The following PCDHA12 variants were observed in gnomAD, a reference collection of about 807,000 sequenced individuals.
PCDHA12 encodes protocadherin alpha-12.
A neutral mutation model predicts 60.0 loss-of-function variants in PCDHA12; 44 were observed. The observed-to-expected ratio is 0.73, with a 90% confidence interval of 0.58 to 0.94. PCDHA12 has a LOEUF of 0.94. Ranked by LOEUF, PCDHA12 falls within the 40% of genes least tolerant of loss-of-function variation. The pLI, the probability that PCDHA12 is intolerant of heterozygous loss-of-function variation, is 0.00. For missense variants in PCDHA12, 1,276 were observed against 1,239.7 expected (o/e 1.03, Z -0.44); for synonymous variants, 569 against 553.0 (o/e 1.03, Z -0.40).
chr5:140,948,637 T>C (rs2094284946), intron 1 of PCDHA12, among the ~76,000 whole-genome samples: 1 of 151,712 alleles, frequency 6.6e-6, no homozygotes, highest in Non-Finnish European at 1.5e-5. Context: ...TATTCTCTCA[T>C]CTTTTAACGT....
chr5:140,995,905 G>C (rs1346539389), intron 3 of PCDHA12, among the ~76,000 whole-genome samples: 1 of 152,186 alleles, frequency 6.6e-6, no homozygotes, highest in Non-Finnish European at 1.5e-5. Flanking sequence ...GTATAAAAGA[G>C]GAGAGACCAT....
intron 1 of PCDHA12, among the ~76,000 whole-genome samples, chr5:140,918,467 C>T (rs2078709178): frequency 6.6e-6 from 1 of 152,006 alleles, no homozygotes; most frequent in Non-Finnish European, 1.5e-5. Context: ...TGTCTTATTC[C>T]AAGTCTCAAG....
chr5:140,977,232 A>G (rs2096751038), intron 1 of PCDHA12, among the ~76,000 whole-genome samples: 1 of 152,368 alleles, frequency 6.6e-6, no homozygotes, highest in East Asian at 1.9e-4. Flanking sequence ...ACCCAATCAT[A>G]GAAAAATTGG....
chr5:140,964,133 G>A (rs2095812042), intron 1 of PCDHA12, among the ~76,000 whole-genome samples: 1 of 152,182 alleles, frequency 6.6e-6, no homozygotes, highest in African/African-American at 2.4e-5. Context: ...AACTAGTAAG[G>A]TTGGCAGGAG....
chr5:140,976,556 T>G (rs2096722872), intron 1 of PCDHA12, among the ~76,000 whole-genome samples: 1 of 151,920 alleles, frequency 6.6e-6, no homozygotes, highest in African/African-American at 2.4e-5. Flanking sequence ...ATCTCATAAA[T>G]AAATAAATAA....
intron 1 of PCDHA12, chr5:140,927,773 A>C (rs143568645): frequency 6.2e-7 from 1 of 1,614,078 alleles, no homozygotes; most frequent in Non-Finnish European, 8.5e-7. Flanking sequence ...GGGGAGGTGC[A>C]AGTAGCTGCT....
chr5:140,889,077 T>G (rs1476404733), intron 1 of PCDHA12, among the ~76,000 whole-genome samples: 1 of 152,076 alleles, frequency 6.6e-6, no homozygotes, highest in Non-Finnish European at 1.5e-5. Flanking sequence ...CTTATTTTGT[T>G]AAATTTTCAA....
chr5:140,940,510 G>T (rs1477590604), intron 1 of PCDHA12, among the ~76,000 whole-genome samples: 1 of 151,778 alleles, frequency 6.6e-6, no homozygotes, highest in Non-Finnish European at 1.5e-5. Context: ...TCGCTCAGGC[G>T]TGATCATAGC....
At chr5:140,945,349 T>G (rs578151486) in intron 1 of PCDHA12, among the ~76,000 whole-genome samples, 43 of 152,144 alleles carry the variant, frequency 2.8e-4, no homozygotes, top group Non-Finnish European at 4.9e-4. Context: ...TTGGAAAAAT[T>G]AATACTGTTT....
At chr5:140,952,972 A>G (rs1206326487) in intron 1 of PCDHA12, among the ~76,000 whole-genome samples, 1 of 152,074 alleles carries the variant, frequency 6.6e-6, no homozygotes, top group Non-Finnish European at 1.5e-5. Context: ...CACACTTTTA[A>G]ACAACAAGAT....
At chr5:140,977,373 A>G (rs1167438428) in intron 1 of PCDHA12, among the ~76,000 whole-genome samples, 1 of 152,168 alleles carries the variant, frequency 6.6e-6, no homozygotes, top group Non-Finnish European at 1.5e-5. Flanking sequence ...TATTTTAGTC[A>G]TATTTCCAGG....
chr5:140,928,637 A>C (rs781828981), intron 1 of PCDHA12: 1 of 1,614,202 alleles, frequency 6.2e-7, no homozygotes, highest in South Asian at 1.1e-5. Context: ...TTGGTCACAA[A>C]AGTGGTAGCA....
At chr5:140,883,485 CATT>C in intron 1 of PCDHA12, 1 of 1,614,190 alleles carries the variant, frequency 6.2e-7, no homozygotes. Flanking sequence ...AACTACTACT[CATT>C]AGTGCTGGAC....
chr5:140,926,823 G>A (rs1454618329), intron 1 of PCDHA12: 2 of 1,496,880 alleles, frequency 1.3e-6, no homozygotes, highest in Non-Finnish European at 1.8e-6. Flanking sequence ...TGCTCTCCAG[G>A]AGTCCGGAGC....
chr5:140,928,814 A>G, intron 1 of PCDHA12: 1 of 1,614,150 alleles, frequency 6.2e-7, no homozygotes, highest in East Asian at 2.2e-5. Context: ...GTTCGGGACC[A>G]TGGAGACCCA....
chr5:140,976,702 A>G (rs782610534), intron 1 of PCDHA12, among the ~76,000 whole-genome samples: 2 of 152,220 alleles, frequency 1.3e-5, no homozygotes, highest in Non-Finnish European at 2.9e-5. Context: ...AATAATGTTG[A>G]CTTTGCATTA....
chr5:140,902,734 C>T (rs1345954248), intron 1 of PCDHA12, among the ~76,000 whole-genome samples: 1 of 151,052 alleles, frequency 6.6e-6, no homozygotes, highest in Non-Finnish European at 1.5e-5. Flanking sequence ...CCCTCCAAGT[C>T]CCCCAAATCC....
intron 1 of PCDHA12, chr5:140,882,018 A>G (rs2058907575): frequency 1.8e-6 from 1 of 559,242 alleles, no homozygotes; most frequent in South Asian, 4.1e-5. Flanking sequence ...AAAATACTAC[A>G]TCAATGGAAA....
intron 1 of PCDHA12, among the ~76,000 whole-genome samples, chr5:140,887,879 A>G (rs956379948): frequency 1.3e-5 from 2 of 152,154 alleles, no homozygotes; most frequent in South Asian, 4.1e-4. Context: ...TTCCTTTTGT[A>G]GTATCATATC....
Sources: gnomAD v4.1 joint callset for allele counts (sites outside exome capture counted in the v4.1 genomes callset) on GRCh38, gnomAD v4.1.1 for gene constraint, MANE v1.5 for transcripts, NCBI Gene and HGNC (gene_info 2026-07-23, HGNC 2026-07-21) for gene names.